The following TYR variants were observed in gnomAD, a reference collection of about 807,000 sequenced individuals.
TYR encodes tyrosinase.
TYR carries 58 observed loss-of-function variants against 51.5 expected under a neutral mutation model. The ratio of observed to expected loss-of-function variants is 1.13; its 90% CI spans 0.91 to 1.40. The LOEUF is 1.40. Among genes scored for constraint, TYR ranks in the 40% most tolerant of loss-of-function variants. The probability of loss-of-function intolerance (pLI) is 0.00; values close to 1 mark genes in which losing one functional copy is unlikely to be tolerated. For missense variants in TYR, 732 were observed against 647.4 expected (o/e 1.13, Z -1.42); for synonymous variants, 263 against 235.2 (o/e 1.12, Z -1.08).
At position 89,284,935 on chromosome 11, in the gene TYR, T is replaced by C. The variant is rs1490520081; in HGVS notation, c.1347T>C (p.Tyr449=). 6 of 1,611,556 alleles carry C rather than the reference T, an allele frequency of 3.7e-6. No individual in the cohort carries two copies. Among genetic ancestry groups the C allele is most frequent in the Non-Finnish European group, 2.5e-6 (3 of 1,178,240 alleles). The change falls in exon 4 of 5, where the codon TAT becomes TAC. Residue 449 remains tyrosine, a synonymous_variant. Transcript: ENST00000263321. Reference sequence around the variant, plus strand: ...CATCCAAAGATCTGGGCTATGACTATAGCTATCTACAAGATTCAGGTAAAG... The same window carrying C: ...CATCCAAAGATCTGGGCTATGACTACAGCTATCTACAAGATTCAGGTAAAG... ...FISSKDLGYD[Y]SYLQDSDPDS...
chr11:89,180,068 A>G (rs1478451560), intron 1 of TYR, among the ~76,000 whole-genome samples: 1 of 152,188 alleles, frequency 6.6e-6, no homozygotes, highest in African/African-American at 2.4e-5. Context: ...AAGTTCATTT[A>G]AAAAATAGCC....
intron 4 of TYR, among the ~76,000 whole-genome samples, 173 bp downstream of exon 4, chr11:89,285,127 G>A (rs548607616): frequency 6.6e-6 from 1 of 151,726 alleles, no homozygotes; most frequent in African/African-American, 2.4e-5. Flanking sequence ...CAAATTCTGA[G>A]GATCTTTAAA....
chr11:89,230,922 A>G (rs1008603350), intron 3 of TYR, among the ~76,000 whole-genome samples: 4 of 150,606 alleles, frequency 2.7e-5, no homozygotes, highest in Non-Finnish European at 4.4e-5. Context: ...AAAAAAAAAG[A>G]GGGACTTTAG....
At chr11:89,239,780 A>G (rs755896621) in intron 3 of TYR, among the ~76,000 whole-genome samples, 8 of 152,034 alleles carry the variant, frequency 5.3e-5, no homozygotes, top group Non-Finnish European at 1.0e-4. Flanking sequence ...TTTCCTTTTT[A>G]ATGTTTTAAT....
At chr11:89,244,635 G>A (rs114077945) in intron 3 of TYR, among the ~76,000 whole-genome samples, 2,187 of 152,176 alleles carry the variant, frequency 0.014, 48 homozygotes, top group African/African-American at 0.05. Context: ...GGTGCTAGAT[G>A]GTGCACCTTC....
chr11:89,214,957 G>A (rs1355419053), intron 2 of TYR, among the ~76,000 whole-genome samples: 1 of 151,972 alleles, frequency 6.6e-6, no homozygotes, highest in Non-Finnish European at 1.5e-5. Context: ...CCATAAAATG[G>A]TGCTAATATT....
At chr11:89,183,520 A>C (rs995589467) in intron 1 of TYR, among the ~76,000 whole-genome samples, 1 of 152,164 alleles carries the variant, frequency 6.6e-6, no homozygotes, top group Non-Finnish European at 1.5e-5. Context: ...TAGTGGAAAG[A>C]GTATAGTCTT....
chr11:89,248,057 C>T (rs1021630255), intron 3 of TYR, among the ~76,000 whole-genome samples: 5 of 152,284 alleles, frequency 3.3e-5, no homozygotes, highest in African/African-American at 1.2e-4. Context: ...CATCTAGCTA[C>T]ATAATCTCTG....
chr11:89,199,336 T>C (rs557229167), intron 2 of TYR, among the ~76,000 whole-genome samples: 1 of 152,330 alleles, frequency 6.6e-6, no homozygotes, highest in East Asian at 1.9e-4. Context: ...CTAGTTGTAC[T>C]GGCATATGCA....
Position 89,295,532 on chromosome 11 carries a change from TGTC to T in TYR, c.*167_*169del, listed in dbSNP as rs1327665587. 4.9e-6 allele frequency: 4 copies of T among 816,240 alleles called. No individual in the cohort carries two copies. The highest frequency in any genetic ancestry group is 7.8e-6 in the Non-Finnish European group (4 of 510,890). The allele number at this position is 816,240 out of a possible 1,614,324, so 50.6% of individuals were successfully genotyped here. ...TCTTCCAACTCAGGTAGAACACACCTGTCTTTGTCTTGCTGTTTTCACTCAGCC... is the reference window on the plus strand; with the variant it reads ...TCTTCCAACTCAGGTAGAACACACCTTTTGTCTTGCTGTTTTCACTCAGCC... On this transcript the variant is annotated 3_prime_UTR_variant, in exon 5 of 5. Coordinates refer to ENST00000263321, the MANE Select transcript of TYR (RefSeq NM_000372.5).
intron 3 of TYR, among the ~76,000 whole-genome samples, chr11:89,278,072 A>T (rs1249718229): frequency 5.9e-5 from 9 of 151,630 alleles, no homozygotes; most frequent in South Asian, 2.1e-4. Context: ...CTATAGACAT[A>T]TTGGTCAATT....
Position 89,216,647 on chromosome 11 carries a change from CA to C in TYR, c.1037-11154del, listed in dbSNP as rs11411684. On this transcript the variant is annotated intron_variant, in intron 2 of 4. Coordinates refer to ENST00000263321, the MANE Select transcript of TYR (RefSeq NM_000372.5). ...CAGCCTGGATGGAGTTTTTCCATCT[CA>C]AAAAAAAAAAAAAAAAAAAAATAGG... Among the ~76,000 whole-genome samples, 488 of 80,802 alleles carry C rather than the reference CA, an allele frequency of 6.0e-3. 1 individual carries two copies. The highest frequency in any genetic ancestry group is 0.026 in the South Asian group (54 of 2,112). The allele number at this position is 80,802 out of a possible 152,430, so 53.0% of individuals were successfully genotyped here.
intron 2 of TYR, among the ~76,000 whole-genome samples, chr11:89,224,102 T>C (rs1486887929): frequency 6.6e-6 from 1 of 152,064 alleles, no homozygotes; most frequent in African/African-American, 2.4e-5. Flanking sequence ...TACAGAACAA[T>C]GAAGTTTAGG....
intron 2 of TYR, among the ~76,000 whole-genome samples, chr11:89,206,211 G>C (rs1030002984): frequency 6.6e-6 from 1 of 151,950 alleles, no homozygotes; most frequent in African/African-American, 2.4e-5. Flanking sequence ...TTAAGAGATT[G>C]GGAGACTAGA....
At position 89,189,683 on chromosome 11, in the gene TYR, G is replaced by T. The variant is rs190596905; in HGVS notation, c.820-1519G>T. On this transcript the variant is annotated intron_variant, in intron 1 of 4. Coordinates refer to ENST00000263321, the MANE Select transcript of TYR (RefSeq NM_000372.5). Reference sequence around the variant, plus strand: ...TGGCACAGTGCTTAATATATAATAGGTGTTTAATAAATATTTTATTTTCTA... The same window carrying T: ...TGGCACAGTGCTTAATATATAATAGTTGTTTAATAAATATTTTATTTTCTA... 7.9e-5 allele frequency among the ~76,000 whole-genome samples: 12 copies of T among 152,140 alleles called. No individual in the cohort carries two copies. In the South Asian group the frequency reaches 1.0e-3, roughly 13 times the overall value.
At chr11:89,214,648 G>A (rs141908696) in intron 2 of TYR, among the ~76,000 whole-genome samples, 26 of 152,164 alleles carry the variant, frequency 1.7e-4, no homozygotes, top group African/African-American at 6.0e-4. Flanking sequence ...CATCAATAAT[G>A]GACAGGATAA....
chr11:89,250,807 T>C (rs191527667), intron 3 of TYR, among the ~76,000 whole-genome samples: 80 of 152,070 alleles, frequency 5.3e-4, no homozygotes, highest in African/African-American at 1.9e-3. Flanking sequence ...TCTGAGGTAC[T>C]TGGGATTAGG....
chr11:89,216,618 A>G (rs537601686), intron 2 of TYR, among the ~76,000 whole-genome samples: 1 of 137,962 alleles, frequency 7.2e-6, no homozygotes, highest in Non-Finnish European at 1.5e-5. Flanking sequence ...GCACCACTGC[A>G]CTCCAGCCTG....
At chr11:89,208,813 A>T (rs530084877) in intron 2 of TYR, among the ~76,000 whole-genome samples, 1 of 152,228 alleles carries the variant, frequency 6.6e-6, no homozygotes, top group Non-Finnish European at 1.5e-5. Flanking sequence ...ATCCACCAGC[A>T]TTAGCAATTG....
Sources: gnomAD v4.1 joint callset for allele counts (sites outside exome capture counted in the v4.1 genomes callset) on GRCh38, gnomAD v4.1.1 for gene constraint, MANE v1.5 for transcripts, NCBI Gene and HGNC (gene_info 2026-07-23, HGNC 2026-07-21) for gene names.